The following XPA variants were observed in gnomAD, a reference collection of about 807,000 sequenced individuals.
XPA encodes the protein DNA repair protein complementing XP-A cells.
In XPA, 27 loss-of-function variants were observed where a neutral mutation model predicts 35.7. The ratio of observed to expected loss-of-function variants is 0.76; its 90% CI spans 0.56 to 1.04. XPA has a LOEUF of 1.04. XPA is among the 50% of genes least tolerant of loss of function. XPA has a pLI of 0.00. For synonymous variants in XPA, 133 were observed against 118.4 expected (o/e 1.12, Z -0.80); for missense variants, 354 against 342.7 (o/e 1.03, Z -0.26).
chr9:97,684,815 A>G, intron 5 of XPA, 108 bp downstream of exon 5: 1 of 1,044,542 alleles, frequency 9.6e-7, no homozygotes. Context: ...CAACCTCTAA[A>G]AAACACATTC....
chr9:97,667,807 T>G, the XPA span, among the ~76,000 whole-genome samples: 5 of 152,244 alleles, frequency 3.3e-5, no homozygotes, highest in African/African-American at 9.6e-5. Context: ...TGCTCAGTAG[T>G]AACGTGTGGT....
At chr9:97,665,069 A>T in the XPA span, among the ~76,000 whole-genome samples, 4 of 152,240 alleles carry the variant, frequency 2.6e-5, no homozygotes, top group African/African-American at 9.6e-5. Flanking sequence ...AGTTGACACA[A>T]AGCAGGAAAC....
At position 97,675,488 on chromosome 9, in the gene XPA, C is replaced by A. The variant is rs763929562; in HGVS notation, c.773G>T (p.Arg258Leu). The change falls in exon 6 of 6, where the codon CGT (arginine) becomes CTT (leucine). Residue 258 changes from arginine (R) to leucine (L), a missense_variant. Coordinates refer to ENST00000375128, the MANE Select transcript of XPA (RefSeq NM_000380.4). ...PEENLEDDMY[R>L]KTCTMCGHEL... is the part of the protein sequence containing the mutation. ...ATGGCCACACATAGTACAAGTCTTA[C>A]GGTACATGTCATCTTCTAGGTTTTC... 3 of 1,613,646 alleles carry A rather than the reference C, an allele frequency of 1.9e-6. No individual in the cohort carries two copies. The highest frequency in any genetic ancestry group is 1.1e-5 in the South Asian group (1 of 91,072).
the XPA span, chr9:97,669,563 G>A: frequency 2.1e-6 from 3 of 1,463,048 alleles, no homozygotes; most frequent in Non-Finnish European, 2.9e-6. Context: ...TCTGTCTGTA[G>A]TACTACCTTA....
chr9:97,669,549 A>G, the XPA span: 2 of 1,377,540 alleles, frequency 1.5e-6, no homozygotes, highest in Non-Finnish European at 2.1e-6. Flanking sequence ...CCAAAGTATA[A>G]GATTCTGTCT....
the XPA span, among the ~76,000 whole-genome samples, chr9:97,662,792 T>C: frequency 3.9e-5 from 6 of 152,262 alleles, no homozygotes; most frequent in Admixed American, 2.6e-4. Flanking sequence ...TTAAAAACTA[T>C]CAATCTGTGA....
chr9:97,665,444 A>G, the XPA span, among the ~76,000 whole-genome samples: 3 of 152,244 alleles, frequency 2.0e-5, no homozygotes. Flanking sequence ...AAGTCACACA[A>G]CTAAGTGCAG....
the XPA span, chr9:97,655,692 C>G: frequency 5.6e-6 from 9 of 1,604,464 alleles, no homozygotes; most frequent in Non-Finnish European, 7.7e-6. Flanking sequence ...CCTCCCCCTT[C>G]TCTACGTAGG....
intron 2 of XPA, among the ~76,000 whole-genome samples, chr9:97,692,860 C>A (rs1828934147): frequency 1.3e-5 from 2 of 152,058 alleles, no homozygotes; most frequent in Admixed American, 1.3e-4. Context: ...CCCAGCCACC[C>A]CCCAACCCCA....
chr9:97,661,216 T>C, the XPA span: 11 of 846,072 alleles, frequency 1.3e-5, no homozygotes, highest in Non-Finnish European at 1.9e-5. Context: ...CCCAGGTATT[T>C]TCCCCTTATA....
chr9:97,685,952 T>TA (rs1287385135), intron 4 of XPA, among the ~76,000 whole-genome samples: 1 of 152,200 alleles, frequency 6.6e-6, no homozygotes, highest in Non-Finnish European at 1.5e-5. Flanking sequence ...CAAACTATAA[T>TA]AAAGTCTAAT....
chr9:97,687,252 A>G lies in XPA; in HGVS notation c.399T>C (p.Asp133=), dbSNP rs764913997. 1 of 1,605,768 alleles carries G rather than the reference A, an allele frequency of 6.2e-7. No homozygotes were observed. The highest frequency in any genetic ancestry group is 8.5e-7 in the Non-Finnish European group (1 of 1,176,332). ...LPTCDNCRDA[D]DKHKLITKTE... is the part of the protein sequence containing the mutation. ...TTTTGGTTATAAGCTTGTGTTTATC[A>G]TCAGCATCTCTGAAAACAGATTAAG... Residue 133 remains aspartate, a synonymous_variant, in exon 4 of 6, where the codon GAT becomes GAC. Coordinates refer to ENST00000375128, the MANE Select transcript of XPA (RefSeq NM_000380.4).
the XPA span, among the ~76,000 whole-genome samples, chr9:97,663,696 G>A: frequency 6.6e-6 from 1 of 151,730 alleles, no homozygotes; most frequent in Non-Finnish European, 1.5e-5. Context: ...TGTTGGCCAG[G>A]CTGGTCTGGA....
At chr9:97,688,687 C>T (rs1444464735) in intron 3 of XPA, among the ~76,000 whole-genome samples, 1 of 152,144 alleles carries the variant, frequency 6.6e-6, no homozygotes, top group Non-Finnish European at 1.5e-5. Context: ...AGCTGTGGTG[C>T]CAGAGCATTC....
At chr9:97,684,886 AAC>A (rs1355953075) in intron 5 of XPA, 35 bp downstream of exon 5, 2 of 1,559,968 alleles carry the variant, frequency 1.3e-6, no homozygotes, top group African/African-American at 1.4e-5. Context: ...AAAATGGTAA[AAC>A]ACAATCCTTC....
At chr9:97,676,891 T>C (rs928041219) in intron 5 of XPA, among the ~76,000 whole-genome samples, 1 of 152,222 alleles carries the variant, frequency 6.6e-6, no homozygotes, top group Non-Finnish European at 1.5e-5. Flanking sequence ...CAGCATCCTC[T>C]CATATTCTGA....
At chr9:97,688,982 C>T (rs772226861) in intron 3 of XPA, among the ~76,000 whole-genome samples, 10 of 151,568 alleles carry the variant, frequency 6.6e-5, no homozygotes, top group Non-Finnish European at 1.2e-4. Context: ...AGGAGAACCA[C>T]GTGAAGTGAG....
chr9:97,682,741 CAGT>C (rs1828585239), intron 5 of XPA, among the ~76,000 whole-genome samples: 3 of 152,252 alleles, frequency 2.0e-5, no homozygotes, highest in South Asian at 4.1e-4. Context: ...GGACAATTGA[CAGT>C]AGCTTATCTG....
In XPA at chr9:97,697,180, A is replaced by G. The variant is rs1435795217; in HGVS notation, c.113T>C (p.Leu38Pro). The G allele has an allele frequency of 6.3e-7, 1 of 1,592,466 alleles. No homozygotes were observed. The highest frequency in any genetic ancestry group is 1.4e-5 in the African/African-American group (1 of 73,922). Residue 38 changes from leucine to proline, a missense_variant, in exon 1 of 6, where the codon CTG (leucine) becomes CCG (proline). By Grantham distance (98) the Leu-to-Pro change is moderately conservative. Transcript: ENST00000375128. ...CCGGGCAGCCAGCCGGGCCTGGCGC[A>G]GCATCAGTGCCCGCTGCCGCTTCCG... ...IERKRQRALM[L>P]RQARLAARPY...
Sources: allele counts gnomAD v4.1 joint callset (sites outside exome capture counted in the v4.1 genomes callset), GRCh38; gene constraint gnomAD v4.1.1; transcripts MANE v1.5; gene names NCBI Gene and HGNC (gene_info 2026-07-23, HGNC 2026-07-21).